ABCA1: variants seen among roughly 807,000 people sequenced by gnomAD.
ABCA1 encodes phospholipid-transporting ATPase ABCA1.
In ABCA1, 133 loss-of-function variants were observed where a neutral mutation model predicts 262.5. The observed-to-expected ratio is 0.51, with a 90% CI of 0.44 to 0.59. ABCA1 has a LOEUF of 0.59. Ranked by LOEUF, ABCA1 falls within the 20% of genes least tolerant of loss-of-function variation. The probability of loss-of-function intolerance (pLI) is 0.00; values close to 1 mark genes in which losing one functional copy is unlikely to be tolerated. For synonymous variants in ABCA1, 1,022 were observed against 1,043.5 expected (o/e 0.98, Z 0.40); for missense variants, 2,452 against 2,777.5 (o/e 0.88, Z 2.63).
chr9:104,819,545 T>C lies in ABCA1; in HGVS notation c.3241+41A>G, dbSNP rs1832097066. On this transcript the variant is annotated intron_variant, in intron 22 of 49. Coordinates refer to ENST00000374736, the MANE Select transcript of ABCA1 (RefSeq NM_005502.4). Reference sequence around the variant, plus strand: ...CACACTTCTCAAAAGCCCCCCGCTCTCTCTCAGTCCATTTACTCAGAATAA... The same window carrying C: ...CACACTTCTCAAAAGCCCCCCGCTCCCTCTCAGTCCATTTACTCAGAATAA... 3.1e-6 allele frequency: 5 copies of C among 1,613,342 alleles called. No homozygotes were observed. The African/African-American group carries it at 5.3e-5, about 17-fold the overall frequency.
chr9:104,918,839 T>A (rs917921408), intron 1 of ABCA1, among the ~76,000 whole-genome samples: 1 of 152,146 alleles, frequency 6.6e-6, no homozygotes. Context: ...GTGTATCACC[T>A]AAATACCAGA....
rs1157873695 is a variant in ABCA1 at position 104,817,383 on chromosome 9, T to G, written c.3484A>C (p.Ser1162Arg). The change falls in exon 24 of 50, where the codon AGT (serine) becomes CGT (arginine). Residue 1162 changes from serine to arginine, a missense_variant. Coordinates refer to ENST00000374736, the MANE Select transcript of ABCA1 (RefSeq NM_005502.4). This position sits in a 1 kb window ranked among gnomAD's most constrained non-coding sequence, Gnocchi z 4.7. ...LKKEDSVSQS[S>R]SDAGLGSDHE... Reference sequence around the variant, plus strand: ...TCGCTGCCCAGGCCAGCATCAGAACTGCTCTGAGAAACACTGTCCTCCTGA... The same window carrying G: ...TCGCTGCCCAGGCCAGCATCAGAACGGCTCTGAGAAACACTGTCCTCCTGA... The G allele has an allele frequency of 6.2e-7, 1 of 1,614,218 alleles. No homozygotes were observed. Among genetic ancestry groups the G allele is most frequent in the Non-Finnish European group, 8.5e-7 (1 of 1,180,034 alleles).
chr9:104,869,115 G>T (rs1354305681), intron 5 of ABCA1, among the ~76,000 whole-genome samples: 1 of 152,128 alleles, frequency 6.6e-6, no homozygotes, highest in Non-Finnish European at 1.5e-5. Context: ...TGAGCCAGAC[G>T]GGGTTACTCT....
At chr9:104,832,523 A>G in intron 12 of ABCA1, 51 bp downstream of exon 12, 1 of 1,589,806 alleles carries the variant, frequency 6.3e-7, no homozygotes, top group Non-Finnish European at 8.6e-7. Flanking sequence ...GTAACGTCTC[A>G]GAGAAAGAAG....
Position 104,814,774 on chromosome 9 carries a change from T to C in ABCA1, c.3739-299A>G, listed in dbSNP as rs1831590529. On this transcript the variant is annotated intron_variant, in intron 25 of 49. Coordinates refer to ENST00000374736, the MANE Select transcript of ABCA1 (RefSeq NM_005502.4). ...ACTTTGGGAGGCCGAGGCGGGCAGA[T>C]CACCTGAGGTCTGGAGCTCGAGACC... is the stretch of plus-strand genomic sequence containing the variant. Among the ~76,000 whole-genome samples, 4 of 152,316 alleles carry C rather than the reference T, an allele frequency of 2.6e-5. No homozygotes were observed. In the South Asian group the frequency reaches 8.3e-4, roughly 32 times the overall value.
chr9:104,812,242 C>T (rs1338265629), intron 28 of ABCA1, among the ~76,000 whole-genome samples: 1 of 152,200 alleles, frequency 6.6e-6, no homozygotes, highest in African/African-American at 2.4e-5. Flanking sequence ...TTTATGTTCT[C>T]CTCCAAAATA....
At position 104,816,279 on chromosome 9, in the gene ABCA1, C is replaced by G; in HGVS notation, c.3602G>C (p.Gly1201Ala). The G allele has an allele frequency of 6.2e-7, 1 of 1,614,072 alleles. No homozygotes were observed. The change falls in exon 25 of 50, where the codon GGG becomes GCG. Residue 1201 changes from glycine to alanine, a missense_variant. Coordinates refer to ENST00000374736, the MANE Select transcript of ABCA1 (RefSeq NM_005502.4). ...VSEARLVEDI[G>A]HELTYVLPYE... Reference sequence around the variant, plus strand: ...TGGCAGCACATAGGTCAGCTCATGCCCTATGTCTTCCACCAGCCGGGCTTC... The same window carrying G: ...TGGCAGCACATAGGTCAGCTCATGCGCTATGTCTTCCACCAGCCGGGCTTC...
chr9:104,837,103 T>A lies in ABCA1; in HGVS notation c.1195-7A>T. 2 of 1,602,632 alleles carry A rather than the reference T, an allele frequency of 1.2e-6. No individual in the cohort carries two copies. Among genetic ancestry groups the A allele is most frequent in the Non-Finnish European group, 1.7e-6 (2 of 1,171,312 alleles). Reference sequence around the variant, plus strand: ...CCTGGAAGGTCTTGTTCACCTGGAGTCAGGTGGGGAGCCAGGGACCGCAGA... The same window carrying A: ...CCTGGAAGGTCTTGTTCACCTGGAGACAGGTGGGGAGCCAGGGACCGCAGA... On this transcript the variant is annotated splice_region_variant and splice_polypyrimidine_tract_variant and intron_variant, in intron 10 of 49. Coordinates refer to ENST00000374736, the MANE Select transcript of ABCA1 (RefSeq NM_005502.4).
intron 2 of ABCA1, among the ~76,000 whole-genome samples, chr9:104,896,677 CA>C (rs1840232041): frequency 7.3e-6 from 1 of 136,344 alleles, no homozygotes; most frequent in Non-Finnish European, 1.5e-5. Flanking sequence ...ATCAAATGAC[CA>C]AATGAATAAC....
rs547350791 is a variant in ABCA1 at position 104,916,379 on chromosome 9, C to G, written c.-93+11556G>C. ...TTTTAGTTGAGAGAAACAAAAAATT[C>G]CAGTTGAAAGACGCCTTAAGATTCA... On this transcript the variant is annotated intron_variant, in intron 1 of 49. Transcript: ENST00000374736. Among the ~76,000 whole-genome samples, 5 of 152,170 alleles carry G rather than the reference C, an allele frequency of 3.3e-5. 1 individual carries two copies. In the South Asian group the frequency reaches 1.0e-3, roughly 32 times the overall value.
intron 41 of ABCA1, 62 bp from the exon 42 acceptor site, chr9:104,792,968 C>T (rs968129219): frequency 1.2e-6 from 2 of 1,610,950 alleles, no homozygotes; most frequent in Admixed American, 1.7e-5. Context: ...AAGATTCAGT[C>T]TCTAACGTAG....
rs11789603 is a variant in ABCA1, at chr9:104,884,738, C to T, written c.161-170G>A. The stretch of plus-strand genomic sequence containing the variant: ...TGACTCTCAGGTGGAAACTTGGCCT[C>T]ACATGCCATTCTTAATCTAGTGGAC... On this transcript the variant is annotated intron_variant, in intron 3 of 49. Coordinates refer to ENST00000374736, the MANE Select transcript of ABCA1 (RefSeq NM_005502.4). 0.11 allele frequency among the ~76,000 whole-genome samples: 17,220 copies of T among 152,212 alleles called. 1,060 individuals are homozygous for T. Among genetic ancestry groups the T allele is most frequent in the South Asian group, 0.15 (740 of 4,824 alleles).
chr9:104,918,163 G>T (rs1190320217), intron 1 of ABCA1, among the ~76,000 whole-genome samples: 1 of 152,124 alleles, frequency 6.6e-6, no homozygotes, highest in Non-Finnish European at 1.5e-5. Context: ...ATTTCAGTAG[G>T]TGAGGAATAT....
intron 39 of ABCA1, 87 bp downstream of exon 39, chr9:104,795,966 C>T: frequency 1.3e-6 from 2 of 1,571,060 alleles, no homozygotes; most frequent in Non-Finnish European, 1.7e-6. Flanking sequence ...ATACCACTGA[C>T]AAGTGGAATA....
Position 104,817,185 on chromosome 9 carries a change from TC to T in ABCA1, c.3535+146del. The T allele has an allele frequency of 1.9e-6, 3 of 1,550,318 alleles. No individual in the cohort carries two copies. The highest frequency in any genetic ancestry group is 2.6e-6 in the Non-Finnish European group (3 of 1,152,800). ...TTAGGCCAACCCGCCACCAAGCTGC[TC>T]CCACACCCGCAGCCACCCAGCCCCA... On this transcript the variant is annotated intron_variant, in intron 24 of 49. Transcript: ENST00000374736. This position sits in a 1 kb window ranked among gnomAD's most constrained non-coding sequence, Gnocchi z 4.7.
At chr9:104,788,282 G>A in intron 45 of ABCA1, 144 bp downstream of exon 45, 1 of 1,254,188 alleles carries the variant, frequency 8.0e-7, no homozygotes, top group Non-Finnish European at 1.2e-6. Flanking sequence ...TTTCCACCCT[G>A]AAAGCAGATA....
At position 104,839,940 on chromosome 9, in the gene ABCA1, G is replaced by T. The variant is rs184665978; in HGVS notation, c.1054+339C>A. On this transcript the variant is annotated intron_variant, in intron 9 of 49. Transcript: ENST00000374736. Reference sequence around the variant, plus strand: ...TTACATATATTCCATATATAAGTGAGATCTTGCAGGATTTGTCCTTCTGCC... The same window carrying T: ...TTACATATATTCCATATATAAGTGATATCTTGCAGGATTTGTCCTTCTGCC... Among the ~76,000 whole-genome samples, 342 of 152,310 alleles carry T rather than the reference G, an allele frequency of 2.2e-3. 5 individuals are homozygous for T. Among genetic ancestry groups the T allele is most frequent in the Non-Finnish European group, 7.3e-4 (50 of 68,032 alleles).
intron 37 of ABCA1, 142 bp downstream of exon 37, chr9:104,798,279 C>T: frequency 3.0e-6 from 3 of 986,040 alleles, no homozygotes; most frequent in Non-Finnish European, 4.6e-6. Flanking sequence ...AAGTGATCAC[C>T]TGCCTCTGGC....
chr9:104,810,675 G>T, intron 29 of ABCA1, 125 bp downstream of exon 29: 1 of 1,456,728 alleles, frequency 6.9e-7, no homozygotes, highest in Non-Finnish European at 9.6e-7. Flanking sequence ...CTTATACAGG[G>T]ACCTGAGCCG....
Sources: allele counts gnomAD v4.1 joint callset (sites outside exome capture counted in the v4.1 genomes callset), GRCh38; gene constraint gnomAD v4.1.1; non-coding constraint Gnocchi (gnomAD v3.1); transcripts MANE v1.5; gene names NCBI Gene and HGNC (gene_info 2026-07-23, HGNC 2026-07-21).